The following FAM185A variants were observed in gnomAD, a reference collection of about 807,000 sequenced individuals.
The protein encoded by FAM185A is protein FAM185A.
Under a neutral mutation model 45.7 loss-of-function variants are expected in FAM185A, and 21 were observed. The ratio of observed to expected loss-of-function variants is 0.46; its 90% CI spans 0.33 to 0.66. The LOEUF (loss-of-function observed/expected upper bound fraction) is 0.66. Among genes scored for constraint, FAM185A ranks in the 30% least tolerant of loss-of-function variants. The pLI is 0.03. For synonymous variants in FAM185A, 117 were observed against 194.0 expected, an observed-to-expected ratio of 0.60 and a Z score of 3.30; for missense variants, 305 against 485.4, an observed-to-expected ratio of 0.63 and a Z score of 3.49.
At position 102,803,358 on chromosome 7, in the gene FAM185A, G is replaced by C. The variant is rs187023937; in HGVS notation, c.1067-4932G>C. ...ATGATCAAGTGGGTTCCATACCAGG[G>C]ATGGAGGGATGGTTTAACATATGCA... On this transcript the variant is annotated intron_variant, in intron 7 of 7. Coordinates refer to ENST00000413034, the MANE Select transcript of FAM185A (RefSeq NM_001145268.2). Among the ~76,000 whole-genome samples the C allele has an allele frequency of 1.7e-3, 263 of 152,274 alleles. 3 individuals are homozygous for C. Among genetic ancestry groups the C allele is most frequent in the Admixed American group, 7.0e-3 (107 of 15,300 alleles).
At chr7:102,808,203 G>A in intron 7 of FAM185A, 87 bp from the exon 8 acceptor site, 1 of 846,086 alleles carries the variant, frequency 1.2e-6, no homozygotes, top group East Asian at 2.7e-5. Flanking sequence ...ATGTTCTAAG[G>A]TGTTTTTCAG....
chr7:102,791,827 CTGTT>C (rs1396932703), intron 7 of FAM185A, among the ~76,000 whole-genome samples: 2 of 151,774 alleles, frequency 1.3e-5, no homozygotes, highest in Admixed American at 6.6e-5. Flanking sequence ...GGTTTTAAAA[CTGTT>C]TGGTACCCAG....
At chr7:102,766,195 G>T (rs1794387566) in intron 4 of FAM185A, among the ~76,000 whole-genome samples, 1 of 152,282 alleles carries the variant, frequency 6.6e-6, no homozygotes, top group African/African-American at 2.4e-5. Context: ...CATGTTACTT[G>T]TTTTTGTGTA....
At chr7:102,808,024 G>C (rs565514145) in intron 7 of FAM185A, among the ~76,000 whole-genome samples, 31 of 152,088 alleles carry the variant, frequency 2.0e-4, no homozygotes, top group African/African-American at 7.3e-4. Context: ...TCGTGCCACT[G>C]TACTCCAGCC....
chr7:102,819,212 A>G, the FAM185A span, among the ~76,000 whole-genome samples: 1 of 152,170 alleles, frequency 6.6e-6, no homozygotes, highest in East Asian at 1.9e-4. Context: ...ACAGAGGGCC[A>G]TAAGTTGAAT....
At chr7:102,845,253 C>G in the FAM185A span, among the ~76,000 whole-genome samples, 6 of 152,158 alleles carry the variant, frequency 3.9e-5, no homozygotes, top group Non-Finnish European at 8.8e-5. Flanking sequence ...AGAGTCACCT[C>G]ATTAGAACAG....
chr7:102,830,950 C>A, the FAM185A span, among the ~76,000 whole-genome samples: 1 of 152,160 alleles, frequency 6.6e-6, no homozygotes, highest in Admixed American at 6.5e-5. Flanking sequence ...CTTTTGTTCA[C>A]GATTAAGAGT....
the FAM185A span, among the ~76,000 whole-genome samples, chr7:102,845,454 A>C: frequency 6.6e-6 from 1 of 152,182 alleles, no homozygotes; most frequent in Admixed American, 6.5e-5. Flanking sequence ...ACATACTCAC[A>C]AGAAGAGAAA....
At chr7:102,753,010 T>G (rs1793466204) in intron 2 of FAM185A, among the ~76,000 whole-genome samples, 1 of 152,010 alleles carries the variant, frequency 6.6e-6, no homozygotes, top group African/African-American at 2.4e-5. Context: ...TATTTGCGTA[T>G]CTGCCATCAG....
the FAM185A span, among the ~76,000 whole-genome samples, chr7:102,815,017 A>C: frequency 6.6e-6 from 1 of 152,152 alleles, no homozygotes; most frequent in Admixed American, 6.5e-5. Context: ...TTTTCTGAAC[A>C]TTTTTCCCCT....
chr7:102,842,168 G>A, the FAM185A span, among the ~76,000 whole-genome samples: 2 of 152,164 alleles, frequency 1.3e-5, no homozygotes, highest in South Asian at 2.1e-4. Context: ...CCATACAAGA[G>A]ATTTCAGAGC....
At chr7:102,842,983 C>T in the FAM185A span, among the ~76,000 whole-genome samples, 308 of 152,330 alleles carry the variant, frequency 2.0e-3, 7 homozygotes, top group East Asian at 0.052. Flanking sequence ...ACATGGCTGC[C>T]GCCCTTCCCA....
At chr7:102,805,896 C>T (rs545356060) in intron 7 of FAM185A, among the ~76,000 whole-genome samples, 11 of 152,064 alleles carry the variant, frequency 7.2e-5, no homozygotes, top group African/African-American at 1.2e-4. Context: ...ATTTGGGATC[C>T]GCAGAAAAGA....
intron 7 of FAM185A, among the ~76,000 whole-genome samples, chr7:102,793,200 G>GT (rs113039515): frequency 4.6e-5 from 7 of 151,016 alleles, no homozygotes; most frequent in African/African-American, 7.4e-5. Flanking sequence ...CTTTTATGGT[G>GT]TTTTTTTTTT....
intron 7 of FAM185A, among the ~76,000 whole-genome samples, chr7:102,792,246 G>T (rs1796182395): frequency 1.3e-5 from 2 of 151,440 alleles, no homozygotes; most frequent in African/African-American, 4.9e-5. Context: ...TAACTCAGGT[G>T]TATAATTCCT....
intron 4 of FAM185A, among the ~76,000 whole-genome samples, chr7:102,771,120 A>G (rs1273571412): frequency 6.6e-6 from 1 of 152,170 alleles, no homozygotes; most frequent in South Asian, 2.1e-4. Context: ...AGAAAACCAA[A>G]TACCACATGG....
intron 7 of FAM185A, among the ~76,000 whole-genome samples, chr7:102,793,787 C>T (rs934313231): frequency 4.0e-5 from 6 of 151,524 alleles, no homozygotes; most frequent in African/African-American, 1.5e-4. Flanking sequence ...GCCTGTAATC[C>T]CAGCACTTTG....
intron 4 of FAM185A, among the ~76,000 whole-genome samples, chr7:102,771,827 T>C (rs184924999): frequency 6.6e-6 from 1 of 152,172 alleles, no homozygotes; most frequent in Non-Finnish European, 1.5e-5. Flanking sequence ...TCCATCCTTA[T>C]CATGGAAAAC....
Position 102,808,540 on chromosome 7 carries a change from T to G in FAM185A, c.*138T>G. 1 of 628,652 alleles carries G rather than the reference T, an allele frequency of 1.6e-6. No individual in the cohort carries two copies. Among genetic ancestry groups the G allele is most frequent in the Non-Finnish European group, 2.8e-6 (1 of 359,198 alleles). 38.9% of individuals were successfully genotyped at this position (628,652 alleles called of 1,614,324 possible). A position where few individuals can be genotyped will look rare whatever the true frequency, so the allele number is the denominator to read the frequency against. On this transcript the variant is annotated 3_prime_UTR_variant, in exon 8 of 8. Coordinates refer to ENST00000413034, the MANE Select transcript of FAM185A (RefSeq NM_001145268.2). Reference sequence around the variant, plus strand: ...TACTGGTGAACTGTTTTGGGAGGCTTTTTCAAAATTTGTGCTTTGCTATTG... The same window carrying G: ...TACTGGTGAACTGTTTTGGGAGGCTGTTTCAAAATTTGTGCTTTGCTATTG...
Sources: allele counts gnomAD v4.1 joint callset (sites outside exome capture counted in the v4.1 genomes callset), GRCh38; gene constraint gnomAD v4.1.1; transcripts MANE v1.5; gene names NCBI Gene and HGNC (gene_info 2026-07-23, HGNC 2026-07-21).